The following MCUB variants were observed in gnomAD, a reference collection of about 807,000 sequenced individuals.
The protein encoded by MCUB is mitochondrial calcium uniporter dominant negative subunit beta, also known as calcium uniporter regulatory subunit MCUb, mitochondrial.
A neutral mutation model predicts 41.4 loss-of-function variants in MCUB; 46 were observed. That is an observed-to-expected ratio of 1.11 (90% CI 0.88 to 1.42). The LOEUF is 1.42. MCUB is among the 40% of genes most tolerant of loss of function. The pLI, the probability that MCUB is intolerant of heterozygous loss-of-function variation, is 0.00. For missense variants in MCUB, 403 were observed against 404.9 expected, an observed-to-expected ratio of 1.00 and a Z score of 0.04; for synonymous variants, 148 against 148.2, an observed-to-expected ratio of 1.00 and a Z score of 0.01.
At chr4:109,684,974 A>C in intron 6 of MCUB, 1 of 390,672 alleles carries the variant, frequency 2.6e-6, no homozygotes, top group South Asian at 5.8e-5. Flanking sequence ...TGGTTATTTA[A>C]TATGCCAAAA....
chr4:109,586,245 G>C (rs747330554), intron 1 of MCUB, among the ~76,000 whole-genome samples: 2 of 151,996 alleles, frequency 1.3e-5, no homozygotes, highest in Non-Finnish European at 2.9e-5. Flanking sequence ...GATCGAATTG[G>C]CTATTGAAGC....
chr4:109,684,098 T>C (rs2126152752), intron 5 of MCUB, among the ~76,000 whole-genome samples: 1 of 150,132 alleles, frequency 6.7e-6, no homozygotes, highest in South Asian at 2.1e-4. Flanking sequence ...AGTCTTGCAC[T>C]GTCGCCCAGG....
chr4:109,672,839 T>C (rs1371458849), intron 4 of MCUB, among the ~76,000 whole-genome samples: 1 of 152,194 alleles, frequency 6.6e-6, no homozygotes, highest in East Asian at 1.9e-4. Flanking sequence ...CCTCTCCCCC[T>C]TTTTTTGTAA....
chr4:109,655,074 T>C (rs1179485657), intron 1 of MCUB, among the ~76,000 whole-genome samples: 2 of 152,176 alleles, frequency 1.3e-5, no homozygotes, highest in African/African-American at 2.4e-5. Flanking sequence ...CTCCTCAACC[T>C]CAGCTATTTA....
chr4:109,660,141 T>C, intron 2 of MCUB, 54 bp from the exon 3 acceptor site: 1 of 871,524 alleles, frequency 1.1e-6, no homozygotes, highest in South Asian at 1.8e-5. Flanking sequence ...CTTGTATTTA[T>C]GGTTTTTTTT....
intron 1 of MCUB, among the ~76,000 whole-genome samples, chr4:109,595,702 A>G (rs1727539318): frequency 6.6e-6 from 1 of 152,298 alleles, no homozygotes; most frequent in Admixed American, 6.5e-5. Flanking sequence ...ATAGAATAGC[A>G]TTGTTTTGGT....
At chr4:109,567,045 C>T (rs1726795115) in intron 1 of MCUB, among the ~76,000 whole-genome samples, 1 of 141,248 alleles carries the variant, frequency 7.1e-6, no homozygotes, top group Non-Finnish European at 1.5e-5. Flanking sequence ...GAGTAGATGT[C>T]TTTTTTGAGA....
intron 1 of MCUB, among the ~76,000 whole-genome samples, chr4:109,563,253 C>T (rs748624141): frequency 3.3e-5 from 5 of 152,068 alleles, no homozygotes; most frequent in Non-Finnish European, 7.3e-5. Flanking sequence ...CATTTGAGTC[C>T]ATACATAAGC....
chr4:109,575,233 T>G (rs1412587757), intron 1 of MCUB, among the ~76,000 whole-genome samples: 1 of 152,248 alleles, frequency 6.6e-6, no homozygotes, highest in Non-Finnish European at 1.5e-5. Flanking sequence ...TCCCTTGTTC[T>G]GCCCGCTCCT....
chr4:109,584,135 T>C (rs1727247973), intron 1 of MCUB, among the ~76,000 whole-genome samples: 1 of 152,188 alleles, frequency 6.6e-6, no homozygotes, highest in African/African-American at 2.4e-5. Context: ...GAACCTCTTA[T>C]TGGTCTATTC....
intron 1 of MCUB, among the ~76,000 whole-genome samples, chr4:109,569,072 A>G (rs891680969): frequency 6.6e-6 from 1 of 152,136 alleles, no homozygotes; most frequent in African/African-American, 2.4e-5. Context: ...TTTGAGACAG[A>G]GTCTGGCTCT....
chr4:109,598,413 C>T (rs1440971684), intron 1 of MCUB, among the ~76,000 whole-genome samples: 1 of 152,148 alleles, frequency 6.6e-6, no homozygotes, highest in South Asian at 2.1e-4. Flanking sequence ...GCCAACACAG[C>T]GAAACCCCGT....
intron 1 of MCUB, among the ~76,000 whole-genome samples, chr4:109,655,157 G>A (rs149264217): frequency 1.7e-4 from 26 of 152,274 alleles, no homozygotes; most frequent in African/African-American, 5.5e-4. Flanking sequence ...TATTCTAAAG[G>A]ATACAGCTAA....
At chr4:109,593,853 T>C (rs1484209397) in intron 1 of MCUB, among the ~76,000 whole-genome samples, 1 of 152,230 alleles carries the variant, frequency 6.6e-6, no homozygotes, top group African/African-American at 2.4e-5. Flanking sequence ...TTTAGCTCAA[T>C]TTCTCCCAGG....
chr4:109,637,806 G>A (rs1728627387), intron 1 of MCUB, among the ~76,000 whole-genome samples: 1 of 152,162 alleles, frequency 6.6e-6, no homozygotes, highest in Non-Finnish European at 1.5e-5. Context: ...TGCTACTTGG[G>A]TAATGAATGC....
At position 109,573,368 on chromosome 4, in the gene MCUB, G is replaced by A. The variant is rs373362508; in HGVS notation, c.99+12932G>A. Among the ~76,000 whole-genome samples the A allele has an allele frequency of 1.1e-4, 17 of 151,726 alleles. 1 individual carries two copies. The highest frequency in any genetic ancestry group is 3.9e-4 in the African/African-American group (16 of 41,320). ...CTCGGGAGGCTGCGGCAGCAGAACC[G>A]CGTAAACCTGGGAGGTGGAGCTTGC... On this transcript the variant is annotated intron_variant, in intron 1 of 7. Transcript: ENST00000394650.
chr4:109,623,142 C>T (rs1361760543), intron 1 of MCUB, among the ~76,000 whole-genome samples: 2 of 152,162 alleles, frequency 1.3e-5, no homozygotes, highest in Admixed American at 6.5e-5. Context: ...CCATGATCCT[C>T]AACCATCTTA....
chr4:109,569,497 CTTTTTTTTTT>C (rs35808519), intron 1 of MCUB, among the ~76,000 whole-genome samples: 1 of 87,174 alleles, frequency 1.1e-5, no homozygotes, highest in Non-Finnish European at 2.0e-5. Flanking sequence ...TTGGCTATCC[CTTTTTTTTTT>C]TTTTTTTTTT....
intron 1 of MCUB, among the ~76,000 whole-genome samples, chr4:109,625,117 G>A (rs1728334084): frequency 1.3e-5 from 2 of 152,170 alleles, no homozygotes; most frequent in African/African-American, 4.8e-5. Flanking sequence ...TCCAGCCTGG[G>A]TGAAAGAGCA....
Sources: allele counts gnomAD v4.1 joint callset (sites outside exome capture counted in the v4.1 genomes callset), GRCh38; gene constraint gnomAD v4.1.1; transcripts MANE v1.5; gene names NCBI Gene and HGNC (gene_info 2026-07-23, HGNC 2026-07-21).